The following SUGCT variants were observed in gnomAD, a reference collection of about 807,000 sequenced individuals.
SUGCT encodes succinyl-CoA:glutarate CoA-transferase.
Under a neutral mutation model 55.0 loss-of-function variants are expected in SUGCT, and 41 were observed. That is an observed-to-expected ratio of 0.74 (90% CI 0.58 to 0.97). The LOEUF (loss-of-function observed/expected upper bound fraction) is 0.97. SUGCT is among the 50% of genes least tolerant of loss of function. The probability of loss-of-function intolerance (pLI) is 0.00; values close to 1 mark genes in which losing one functional copy is unlikely to be tolerated. For synonymous variants in SUGCT, 187 were observed against 200.4 expected, an observed-to-expected ratio of 0.93 and a Z score of 0.56; for missense variants, 568 against 547.8, an observed-to-expected ratio of 1.04 and a Z score of -0.37.
At chr7:40,281,411 T>G (rs567921303) in intron 8 of SUGCT, among the ~76,000 whole-genome samples, 21 of 152,284 alleles carry the variant, frequency 1.4e-4, no homozygotes, top group African/African-American at 4.6e-4. Flanking sequence ...TTTTCTTCCT[T>G]TAAGGGAGAA....
chr7:40,161,207 C>G (rs1277679035), intron 1 of SUGCT, among the ~76,000 whole-genome samples: 1 of 152,208 alleles, frequency 6.6e-6, no homozygotes, highest in Non-Finnish European at 1.5e-5. Context: ...ATTTCTCTTG[C>G]TCTTCAGAGT....
chr7:40,487,105 A>C (rs866737636), intron 11 of SUGCT, among the ~76,000 whole-genome samples: 5 of 121,952 alleles, frequency 4.1e-5, no homozygotes, highest in African/African-American at 1.7e-4. Context: ...TTTTTTTGAC[A>C]CAGAGTTTCA....
intron 8 of SUGCT, among the ~76,000 whole-genome samples, chr7:40,282,436 C>G (rs903982014): frequency 6.6e-6 from 1 of 152,070 alleles, no homozygotes; most frequent in Non-Finnish European, 1.5e-5. Context: ...CCAGTGCACT[C>G]TAGCCTGGGT....
chr7:40,223,043 A>T (rs558083888), intron 6 of SUGCT, among the ~76,000 whole-genome samples: 35 of 126,282 alleles, frequency 2.8e-4, no homozygotes, highest in Admixed American at 5.9e-4. Flanking sequence ...CCTTCCTTCC[A>T]TCCATCCACC....
Position 40,272,068 on chromosome 7 carries a change from G to GCT in SUGCT, c.577-2418_577-2417dup, listed in dbSNP as rs369167019. Among the ~76,000 whole-genome samples the GCT allele has an allele frequency of 2.2e-3, 202 of 92,982 alleles. 4 individuals carry two copies. The highest frequency in any genetic ancestry group is 0.014 in the South Asian group (33 of 2,286). 61.0% of individuals were successfully genotyped at this position (92,982 alleles called of 152,430 possible). A position where few individuals can be genotyped will look rare whatever the true frequency, so the allele number is the denominator to read the frequency against. ...AATAATATTCCTCTCTCTCTGTCTC[G>GCT]CTCTCTCTCTCTCTCTCTCTCTCTC... On this transcript the variant is annotated intron_variant, in intron 7 of 13. Transcript: ENST00000335693.
At chr7:40,210,683 C>T (rs558536194) in intron 6 of SUGCT, among the ~76,000 whole-genome samples, 1 of 152,080 alleles carries the variant, frequency 6.6e-6, no homozygotes, top group African/African-American at 2.4e-5. Context: ...ATTCCTGACG[C>T]ATGTGGCCCC....
At chr7:41,012,916 C>G in the SUGCT span, among the ~76,000 whole-genome samples, 2 of 152,004 alleles carry the variant, frequency 1.3e-5, no homozygotes, top group South Asian at 4.1e-4. Context: ...TTTCCACATT[C>G]AGAACTCTAG....
At chr7:40,972,483 A>G in the SUGCT span, among the ~76,000 whole-genome samples, 3 of 152,294 alleles carry the variant, frequency 2.0e-5, no homozygotes, top group East Asian at 5.8e-4. Context: ...CCTTGCTTCC[A>G]AGCCCCACAG....
At chr7:40,894,327 T>G in the SUGCT span, among the ~76,000 whole-genome samples, 1 of 152,100 alleles carries the variant, frequency 6.6e-6, no homozygotes, top group Non-Finnish European at 1.5e-5. Flanking sequence ...CAAGATGAAC[T>G]AAAGAAGTAA....
At chr7:40,526,825 G>A (rs1286327846) in intron 12 of SUGCT, among the ~76,000 whole-genome samples, 1 of 152,154 alleles carries the variant, frequency 6.6e-6, no homozygotes, top group Non-Finnish European at 1.5e-5. Context: ...CACTGTTAGT[G>A]CTGGCACTTT....
At chr7:40,365,859 A>G (rs749479569) in intron 9 of SUGCT, among the ~76,000 whole-genome samples, 2 of 152,236 alleles carry the variant, frequency 1.3e-5, no homozygotes, top group South Asian at 2.1e-4. Context: ...TATAGATTCA[A>G]TGCCATCCCC....
chr7:40,868,525 A>G, the SUGCT span, among the ~76,000 whole-genome samples: 1 of 152,110 alleles, frequency 6.6e-6, no homozygotes, highest in East Asian at 1.9e-4. Context: ...GTATTCCATG[A>G]CACCAAGATA....
At chr7:40,919,347 T>A in the SUGCT span, among the ~76,000 whole-genome samples, 1 of 152,234 alleles carries the variant, frequency 6.6e-6, no homozygotes. Context: ...GGTGCCAGCA[T>A]CCACCCAATT....
intron 13 of SUGCT, among the ~76,000 whole-genome samples, chr7:40,808,823 A>C (rs1202903954): frequency 6.6e-6 from 1 of 152,190 alleles, no homozygotes; most frequent in Non-Finnish European, 1.5e-5. Context: ...AGAAGAGGAA[A>C]GCATATGACT....
At chr7:40,893,922 A>G in the SUGCT span, among the ~76,000 whole-genome samples, 1 of 152,190 alleles carries the variant, frequency 6.6e-6, no homozygotes, top group South Asian at 2.1e-4. Flanking sequence ...TTAGCTGCAC[A>G]TGGTGGCAGG....
At chr7:40,884,319 A>G in the SUGCT span, among the ~76,000 whole-genome samples, 3 of 152,326 alleles carry the variant, frequency 2.0e-5, no homozygotes, top group South Asian at 4.1e-4. Context: ...TGCTTTGCTC[A>G]TGATTGAAAA....
the SUGCT span, among the ~76,000 whole-genome samples, chr7:40,870,379 C>T: frequency 6.6e-6 from 1 of 152,124 alleles, no homozygotes; most frequent in Admixed American, 6.6e-5. Flanking sequence ...CTGCTTTCTT[C>T]CTCCTCCTTT....
At chr7:41,033,215 C>A in the SUGCT span, among the ~76,000 whole-genome samples, 1 of 152,188 alleles carries the variant, frequency 6.6e-6, no homozygotes, top group Non-Finnish European at 1.5e-5. Context: ...TCTGAATACT[C>A]AATCTTCAGA....
intron 12 of SUGCT, among the ~76,000 whole-genome samples, chr7:40,572,346 A>G (rs1483657564): frequency 6.6e-6 from 1 of 152,160 alleles, no homozygotes; most frequent in Non-Finnish European, 1.5e-5. Flanking sequence ...TAGAGTTTGT[A>G]TTTGAAAAGA....
Sources: gnomAD v4.1 joint callset for allele counts (sites outside exome capture counted in the v4.1 genomes callset) on GRCh38, gnomAD v4.1.1 for gene constraint, MANE v1.5 for transcripts, NCBI Gene and HGNC (gene_info 2026-07-23, HGNC 2026-07-21) for gene names.